THSD7B: variants seen among roughly 807,000 people sequenced by gnomAD.
THSD7B encodes thrombospondin type-1 domain-containing protein 7B.
Under a neutral mutation model 213.6 loss-of-function variants are expected in THSD7B, and 138 were observed. The ratio of observed to expected loss-of-function variants is 0.65; its 90% CI spans 0.56 to 0.74. The LOEUF (loss-of-function observed/expected upper bound fraction) is 0.74, where lower values mean the gene tolerates loss of function less well. Ranked by LOEUF, THSD7B falls within the 30% of genes least tolerant of loss-of-function variation. The probability of loss-of-function intolerance (pLI) is 0.00; values close to 1 mark genes in which losing one functional copy is unlikely to be tolerated. For synonymous variants in THSD7B, 742 were observed against 687.0 expected, an observed-to-expected ratio of 1.08 and a Z score of -1.25; for missense variants, 1,931 against 1,991.5, an observed-to-expected ratio of 0.97 and a Z score of 0.58.
chr2:137,356,559 C>T (rs1685132275), intron 12 of THSD7B, among the ~76,000 whole-genome samples: 1 of 152,178 alleles, frequency 6.6e-6, no homozygotes, highest in Admixed American at 6.6e-5. Context: ...TCTGTACTTG[C>T]CATGACTTGC....
intron 17 of THSD7B, among the ~76,000 whole-genome samples, chr2:137,591,182 AGTT>A (rs1418793827): frequency 6.6e-6 from 1 of 151,828 alleles, no homozygotes; most frequent in South Asian, 2.1e-4. Context: ...TATCATTTTT[AGTT>A]GTTGTACTTA....
intron 17 of THSD7B, among the ~76,000 whole-genome samples, chr2:137,601,679 A>T (rs941230147): frequency 2.0e-5 from 3 of 152,224 alleles, no homozygotes; most frequent in African/African-American, 4.8e-5. Context: ...AGGAATTTTT[A>T]AAAATGGTGT....
At chr2:136,876,013 T>G (rs1238194150) in intron 1 of THSD7B, among the ~76,000 whole-genome samples, 3 of 152,166 alleles carry the variant, frequency 2.0e-5, no homozygotes, top group Non-Finnish European at 2.9e-5. Context: ...TCTCTTTAGT[T>G]TTCATGGTAG....
At chr2:137,665,439 A>C (rs538878111) in intron 26 of THSD7B, among the ~76,000 whole-genome samples, 1 of 151,854 alleles carries the variant, frequency 6.6e-6, no homozygotes, top group East Asian at 1.9e-4. Context: ...TATAAATTGC[A>C]TGTGTGTGTG....
Position 137,141,494 on chromosome 2 carries a change from T to TCACA in THSD7B, c.1370-18694_1370-18691dup, listed in dbSNP as rs36201207. 3.7e-3 allele frequency among the ~76,000 whole-genome samples: 554 copies of TCACA among 150,170 alleles called. 2 individuals are homozygous for TCACA. Among genetic ancestry groups the TCACA allele is most frequent in the African/African-American group, 0.013 (521 of 40,944 alleles). Reference sequence around the variant, plus strand: ...AACACACATGTGTGCACACACACACTCACACACACACACACACACACACAC... The same window carrying TCACA: ...AACACACATGTGTGCACACACACACTCACACACACACACACACACACACACACAC... On this transcript the variant is annotated intron_variant, in intron 5 of 27. Coordinates refer to ENST00000409968, the MANE Select transcript of THSD7B (RefSeq NM_001316349.2).
At chr2:137,309,658 C>A (rs1027198514) in intron 12 of THSD7B, among the ~76,000 whole-genome samples, 1 of 151,948 alleles carries the variant, frequency 6.6e-6, no homozygotes, top group South Asian at 2.1e-4. Context: ...CCTACCCCTA[C>A]CCCCACCCCA....
intron 12 of THSD7B, among the ~76,000 whole-genome samples, chr2:137,312,454 C>T (rs1400674674): frequency 1.4e-5 from 2 of 148,054 alleles, no homozygotes; most frequent in Non-Finnish European, 3.0e-5. Context: ...TTTCAAAAAA[C>T]CAGCTCCTGG....
At chr2:137,271,757 G>T (rs960281745) in intron 10 of THSD7B, among the ~76,000 whole-genome samples, 28 of 151,872 alleles carry the variant, frequency 1.8e-4, no homozygotes, top group Non-Finnish European at 2.9e-5. Flanking sequence ...TGCATTTACA[G>T]TGCAAATAGT....
chr2:137,516,565 G>A (rs547718454), intron 15 of THSD7B, among the ~76,000 whole-genome samples: 89 of 152,270 alleles, frequency 5.8e-4, no homozygotes, highest in African/African-American at 2.1e-3. Context: ...GACCCAAAAC[G>A]TCGTTGTGGT....
chr2:137,626,516 T>C (rs536662563), intron 20 of THSD7B, among the ~76,000 whole-genome samples: 2 of 152,130 alleles, frequency 1.3e-5, no homozygotes, highest in East Asian at 3.9e-4. Context: ...GGGCTTTTTT[T>C]CCATTGTTCT....
chr2:137,508,775 A>G (rs1392263457), intron 15 of THSD7B, among the ~76,000 whole-genome samples: 1 of 152,064 alleles, frequency 6.6e-6, no homozygotes, highest in African/African-American at 2.4e-5. Flanking sequence ...GTCCCTTCTC[A>G]GGGAAACTTA....
chr2:136,863,765 T>C (rs1256278595), intron 1 of THSD7B, among the ~76,000 whole-genome samples: 1 of 152,240 alleles, frequency 6.6e-6, no homozygotes, highest in African/African-American at 2.4e-5. Flanking sequence ...TGTGTTTGAC[T>C]GTAAGCTTTC....
At chr2:137,667,265 G>A (rs183378766) in intron 26 of THSD7B, among the ~76,000 whole-genome samples, 62 of 151,986 alleles carry the variant, frequency 4.1e-4, no homozygotes, top group Middle Eastern at 3.4e-3. Flanking sequence ...TTACATTTTC[G>A]CTTTTTTTCT....
Position 136,977,813 on chromosome 2 carries a change from T to TTGTTTTG in THSD7B, c.140-78606_140-78605insGTTTTGT, listed in dbSNP as rs1558874185. ...TTTTCTTTTCTTTGTTTTTTTTTTT[T>TTGTTTTG]TTTTTTTTTAAACGGAGTCTTGCTC... is the stretch of plus-strand genomic sequence containing the variant. On this transcript the variant is annotated intron_variant, in intron 2 of 27. Coordinates refer to ENST00000409968, the MANE Select transcript of THSD7B (RefSeq NM_001316349.2). 1.3e-4 allele frequency among the ~76,000 whole-genome samples: 19 copies of TTGTTTTG among 149,670 alleles called. No individual in the cohort carries two copies. In the East Asian group the frequency reaches 3.7e-3, roughly 29 times the overall value.
intron 1 of THSD7B, among the ~76,000 whole-genome samples, chr2:136,767,456 A>AGTGTGTGTGTGTTTGT: frequency 6.8e-6 from 1 of 146,700 alleles, no homozygotes; most frequent in East Asian, 2.0e-4. Context: ...ATCCCTGGGA[A>AGTGTGTGTGTGTTTGT]GTGTGTGTGT....
chr2:136,909,299 C>A (rs1389856194), intron 2 of THSD7B, among the ~76,000 whole-genome samples: 1 of 151,924 alleles, frequency 6.6e-6, no homozygotes, highest in Non-Finnish European at 1.5e-5. Context: ...GGCAAGATGG[C>A]ATGGGAAGAT....
chr2:136,777,843 A>G (rs1229600915), intron 1 of THSD7B, among the ~76,000 whole-genome samples: 6 of 152,206 alleles, frequency 3.9e-5, no homozygotes, highest in East Asian at 3.9e-4. Flanking sequence ...AAATATCACA[A>G]TGCTTTATGG....
At chr2:137,365,456 C>T (rs1380598587) in intron 12 of THSD7B, among the ~76,000 whole-genome samples, 1 of 152,122 alleles carries the variant, frequency 6.6e-6, no homozygotes, top group Non-Finnish European at 1.5e-5. Context: ...GAACAGGCAA[C>T]CTACAGAATG....
At chr2:137,045,192 T>C (rs1374902919) in intron 2 of THSD7B, among the ~76,000 whole-genome samples, 1 of 152,160 alleles carries the variant, frequency 6.6e-6, no homozygotes, top group Non-Finnish European at 1.5e-5. Flanking sequence ...GTTTTTTTTT[T>C]CTCCTTATTA....
Sources: gnomAD v4.1 joint callset for allele counts (sites outside exome capture counted in the v4.1 genomes callset) on GRCh38, gnomAD v4.1.1 for gene constraint, MANE v1.5 for transcripts, NCBI Gene and HGNC (gene_info 2026-07-23, HGNC 2026-07-21) for gene names.